The following NOVA2 variants were observed in gnomAD, a reference collection of about 807,000 sequenced individuals.
The protein encoded by NOVA2 is RNA-binding protein Nova-2.
NOVA2 carries 9 observed loss-of-function variants against 22.5 expected under a neutral mutation model. That is an observed-to-expected ratio of 0.40 (90% CI 0.24 to 0.70). NOVA2 has a LOEUF of 0.70. Ranked by LOEUF, NOVA2 falls within the 30% of genes least tolerant of loss-of-function variation. The pLI is 0.38. For synonymous variants in NOVA2, 318 were observed against 335.2 expected (o/e 0.95, Z 0.56); for missense variants, 383 against 682.8 (o/e 0.56, Z 4.89).
chr19:45,946,994 A>G (rs1967851148), intron 3 of NOVA2, among the ~76,000 whole-genome samples: 1 of 152,140 alleles, frequency 6.6e-6, no homozygotes, highest in African/African-American at 2.4e-5. Context: ...AGTGCAGTGT[A>G]TGGGGACTAT....
intron 1 of NOVA2, among the ~76,000 whole-genome samples, chr19:45,963,673 A>C (rs9304653): frequency 4.6e-5 from 7 of 151,522 alleles, no homozygotes; most frequent in Non-Finnish European, 8.9e-5. Context: ...CTGGGACTAC[A>C]GGTGCCCACC....
chr19:45,964,092 C>T (rs931707295), intron 1 of NOVA2, among the ~76,000 whole-genome samples: 1 of 151,990 alleles, frequency 6.6e-6, no homozygotes, highest in Non-Finnish European at 1.5e-5. Flanking sequence ...CATCCTGCTT[C>T]CAAATTTTAA....
chr19:45,949,698 G>T (rs1967893966), intron 3 of NOVA2, among the ~76,000 whole-genome samples: 1 of 151,118 alleles, frequency 6.6e-6, no homozygotes, highest in Admixed American at 6.6e-5. Flanking sequence ...AGTCAGCAGG[G>T]TTGCTGTTTC....
chr19:45,966,153 A>G (rs12463085), intron 1 of NOVA2, among the ~76,000 whole-genome samples: 44,569 of 152,090 alleles, frequency 0.29, 7,090 homozygotes, highest in East Asian at 0.51. Context: ...TCACTGATAC[A>G]AGCCAGACCT....
intron 1 of NOVA2, among the ~76,000 whole-genome samples, chr19:45,971,385 G>C (rs920720261): frequency 6.6e-6 from 1 of 152,076 alleles, no homozygotes; most frequent in African/African-American, 2.4e-5. Flanking sequence ...CCAGGACTGG[G>C]AACAGCAGTG....
chr19:45,969,695 C>T (rs974692007), intron 1 of NOVA2, among the ~76,000 whole-genome samples: 9 of 151,856 alleles, frequency 5.9e-5, no homozygotes, highest in Non-Finnish European at 1.3e-4. Context: ...TTAAGAGTTA[C>T]GATCTGTATC....
At position 45,940,495 on chromosome 19, in the gene NOVA2, G is replaced by A; in HGVS notation, c.847C>T (p.Leu283Phe). 3 of 1,525,732 alleles carry A rather than the reference G, an allele frequency of 2.0e-6. No individual in the cohort carries two copies. The highest frequency in any genetic ancestry group is 2.6e-6 in the Non-Finnish European group (3 of 1,137,040). The allele number at this position is 1,525,732 out of a possible 1,614,324, so 94.5% of individuals were successfully genotyped here. A position where few individuals can be genotyped will look rare whatever the true frequency, so the allele number is the denominator to read the frequency against. Reference sequence around the variant, plus strand: ...TAGCCGTAACTTGCCAGCGTGTTAAGCGCCGTGCTGATGGCCAGCAGGTCG... The same window carrying A: ...TAGCCGTAACTTGCCAGCGTGTTAAACGCCGTGCTGATGGCCAGCAGGTCG... ...GTDLLAISTA[L>F]NTLASYGYNT... Residue 283 changes from leucine to phenylalanine, a missense_variant, in exon 4 of 4, where the codon CTT becomes TTT. This residue lies in a region of NOVA2 where 349 missense variants were observed against 578.1 expected (regional missense o/e 0.60). Transcript: ENST00000263257.
intron 2 of NOVA2, among the ~76,000 whole-genome samples, chr19:45,954,858 GT>G (rs1967980736): frequency 2.9e-5 from 1 of 35,010 alleles, no homozygotes; most frequent in African/African-American, 1.9e-4. Context: ...GGTGAGTGGT[GT>G]GTGTGTGTGT....
At position 45,939,223 on chromosome 19, in the gene NOVA2, A is replaced by C. The variant is rs590130; in HGVS notation, c.*640T>G. The C allele has an allele frequency of 6.6e-6, 1 of 152,170 alleles. No homozygotes were observed. Among genetic ancestry groups the C allele is most frequent in the Admixed American group, 6.5e-5 (1 of 15,268 alleles). 9.4% of individuals were successfully genotyped at this position (152,170 alleles called of 1,614,324 possible). A position where few individuals can be genotyped will look rare whatever the true frequency, so the allele number is the denominator to read the frequency against. ...TGACAACAAAAGAGTGAACATTCCC[A>C]CCTAGGAGGGACAGCTCCAGTGGGA... is the stretch of plus-strand genomic sequence containing the variant. On this transcript the variant is annotated 3_prime_UTR_variant, in exon 4 of 4. Transcript: ENST00000263257.
intron 1 of NOVA2, among the ~76,000 whole-genome samples, chr19:45,964,721 T>A (rs531298316): frequency 6.6e-6 from 1 of 151,986 alleles, no homozygotes; most frequent in African/African-American, 2.4e-5. Flanking sequence ...CCACCACTCC[T>A]AGGTAATTTT....
chr19:45,970,431 G>A (rs1968218648), intron 1 of NOVA2, among the ~76,000 whole-genome samples: 1 of 151,118 alleles, frequency 6.6e-6, no homozygotes, highest in Admixed American at 6.6e-5. Context: ...GCTGGAGTGT[G>A]GTGGTGCGAT....
intron 3 of NOVA2, among the ~76,000 whole-genome samples, chr19:45,950,175 T>C (rs573581564): frequency 8.4e-4 from 127 of 151,608 alleles, no homozygotes; most frequent in African/African-American, 2.7e-3. Context: ...TTTTTTTTTT[T>C]TTTTTTACAG....
At chr19:45,947,659 C>T (rs952890982) in intron 3 of NOVA2, among the ~76,000 whole-genome samples, 1 of 151,660 alleles carries the variant, frequency 6.6e-6, no homozygotes, top group African/African-American at 2.4e-5. Context: ...TTTTTAGTAG[C>T]GATGGGGTTT....
intron 2 of NOVA2, among the ~76,000 whole-genome samples, chr19:45,957,412 G>A (rs1269826980): frequency 3.9e-5 from 6 of 151,980 alleles, no homozygotes; most frequent in Non-Finnish European, 8.8e-5. Flanking sequence ...GGTAATGGAC[G>A]CCTGTGATCC....
At chr19:45,950,786 A>G (rs1483802391) in intron 3 of NOVA2, among the ~76,000 whole-genome samples, 1 of 152,220 alleles carries the variant, frequency 6.6e-6, no homozygotes, top group Non-Finnish European at 1.5e-5. Context: ...CACCAACAAT[A>G]ACAACAAAAG....
chr19:45,952,831 C>T (rs1447220620), intron 3 of NOVA2, among the ~76,000 whole-genome samples: 1 of 152,230 alleles, frequency 6.6e-6, no homozygotes, highest in Non-Finnish European at 1.5e-5. Flanking sequence ...CTCCGCCCAC[C>T]ATTTCCCCAT....
rs977007218 is a variant in NOVA2, at chr19:45,934,359, T to C, written c.*5504A>G. ...TAGCTCCTCTGACTCCACCATTATC[T>C]CACTGAGGCTCCTCAGGGAAATTGG... On this transcript the variant is annotated 3_prime_UTR_variant, in exon 4 of 4. Coordinates refer to ENST00000263257, the MANE Select transcript of NOVA2 (RefSeq NM_002516.4). 2 of 152,190 alleles carry C rather than the reference T, an allele frequency of 1.3e-5. No individual in the cohort carries two copies. The highest frequency in any genetic ancestry group is 4.8e-5 in the African/African-American group (2 of 41,408). The allele number at this position is 152,190 out of a possible 1,614,324, so 9.4% of individuals were successfully genotyped here. A position where few individuals can be genotyped will look rare whatever the true frequency, so the allele number is the denominator to read the frequency against.
chr19:45,965,509 A>T (rs1274926523), intron 1 of NOVA2, among the ~76,000 whole-genome samples: 1 of 152,166 alleles, frequency 6.6e-6, no homozygotes, highest in Middle Eastern at 3.2e-3. Context: ...CGGGTGGATC[A>T]CTTAAGGTCA....
In NOVA2 at chr19:45,940,490, G is replaced by A. The variant is rs1161852719; in HGVS notation, c.852C>T (p.Asn284=). 6.5e-7 allele frequency: 1 copy of A among 1,529,492 alleles called. No homozygotes were observed. The highest frequency in any genetic ancestry group is 1.4e-5 in the African/African-American group (1 of 69,268). 94.7% of individuals were successfully genotyped at this position (1,529,492 alleles called of 1,614,324 possible). ...TDLLAISTAL[N]TLASYGYNTN... ...TGTTGTAGCCGTAACTTGCCAGCGTGTTAAGCGCCGTGCTGATGGCCAGCA... is the reference window on the plus strand; with the variant it reads ...TGTTGTAGCCGTAACTTGCCAGCGTATTAAGCGCCGTGCTGATGGCCAGCA... Residue 284 remains asparagine, a synonymous_variant, in exon 4 of 4, where the codon AAC becomes AAT. Coordinates refer to ENST00000263257, the MANE Select transcript of NOVA2 (RefSeq NM_002516.4).
Sources: allele counts gnomAD v4.1 joint callset (sites outside exome capture counted in the v4.1 genomes callset), GRCh38; gene constraint gnomAD v4.1.1; regional missense constraint gnomAD v4.1.1; transcripts MANE v1.5; gene names NCBI Gene and HGNC (gene_info 2026-07-23, HGNC 2026-07-21).